The following RAB3GAP2 variants were observed in gnomAD, a reference collection of about 807,000 sequenced individuals.
RAB3GAP2 encodes rab3 GTPase-activating protein non-catalytic subunit.
Under a neutral mutation model 185.3 loss-of-function variants are expected in RAB3GAP2, and 87 were observed. The ratio of observed to expected loss-of-function variants is 0.47; its 90% CI spans 0.39 to 0.56. The LOEUF is 0.56. Ranked by LOEUF, RAB3GAP2 falls within the 20% of genes least tolerant of loss-of-function variation. RAB3GAP2 has a pLI of 0.00. For missense variants in RAB3GAP2, 1,492 were observed against 1,638.2 expected, an observed-to-expected ratio of 0.91 and a Z score of 1.54; for synonymous variants, 554 against 576.1, an observed-to-expected ratio of 0.96 and a Z score of 0.55.
At chr1:220,236,179 TTTTA>T (rs1329301447) in intron 1 of RAB3GAP2, among the ~76,000 whole-genome samples, 1 of 151,862 alleles carries the variant, frequency 6.6e-6, no homozygotes, top group Non-Finnish European at 1.5e-5. Context: ...TATTTTTATT[TTTTA>T]TTTATTTATT....
At chr1:220,218,806 T>C (rs1659248084) in intron 2 of RAB3GAP2, among the ~76,000 whole-genome samples, 1 of 151,488 alleles carries the variant, frequency 6.6e-6, no homozygotes, top group Admixed American at 6.6e-5. Context: ...TAATACAAGC[T>C]CCACAAGCTC....
chr1:220,151,686 G>A lies in RAB3GAP2; in HGVS notation c.3946C>T (p.Leu1316Phe). ...CCTTCTTTTGTCTGGGTGTGGAGAA[G>A]CGCATGAGCCAGCCTTTGCCCCGTG... ...VLTGQRLAHA[L>F]LHTQTKEGME... Residue 1316 changes from leucine (L) to phenylalanine (F), a missense_variant, in exon 34 of 35, where the codon CTT (leucine) becomes TTT (phenylalanine). Around this residue, in one of 5 missense-constraint regions of RAB3GAP2, gnomAD observed 387 missense variants for 455.3 expected, o/e 0.85. Coordinates refer to ENST00000358951, the MANE Select transcript of RAB3GAP2 (RefSeq NM_012414.4). The A allele has an allele frequency of 6.2e-7, 1 of 1,611,206 alleles. No homozygotes were observed. The highest frequency in any genetic ancestry group is 8.5e-7 in the Non-Finnish European group (1 of 1,177,322).
intron 1 of RAB3GAP2, among the ~76,000 whole-genome samples, chr1:220,244,112 G>T (rs1659753857): frequency 6.6e-6 from 1 of 152,168 alleles, no homozygotes; most frequent in Admixed American, 6.5e-5. Flanking sequence ...AAAAGAGGAA[G>T]TAAAAGTGTT....
rs999596297 is a variant in RAB3GAP2 at position 220,171,874 on chromosome 1, C to A, written c.2577+15G>T. ...TGGATGTGTACAGATCAAAGCCATACCTTTACCCACTTACTTTTTTCTCTG... is the reference window on the plus strand; with the variant it reads ...TGGATGTGTACAGATCAAAGCCATAACTTTACCCACTTACTTTTTTCTCTG... On this transcript the variant is annotated intron_variant, in intron 23 of 34. Transcript: ENST00000358951. The A allele has an allele frequency of 1.9e-6, 3 of 1,613,958 alleles. No homozygotes were observed. The highest frequency in any genetic ancestry group is 2.5e-6 in the Non-Finnish European group (3 of 1,180,012).
intron 1 of RAB3GAP2, chr1:220,253,877 A>G (rs569644446): frequency 6.2e-7 from 1 of 1,613,502 alleles, no homozygotes; most frequent in Admixed American, 1.7e-5. Flanking sequence ...GGTCTGCAAC[A>G]GAAAAATGTT....
chr1:220,164,006 T>G (rs1399874916), intron 27 of RAB3GAP2, among the ~76,000 whole-genome samples: 1 of 152,080 alleles, frequency 6.6e-6, no homozygotes, highest in Admixed American at 6.5e-5. Context: ...AGCTTAGTGC[T>G]GATATCCTCA....
intron 33 of RAB3GAP2, 86 bp downstream of exon 33, chr1:220,153,099 G>T: frequency 1.0e-6 from 1 of 994,134 alleles, no homozygotes. Flanking sequence ...AGAGCAAAAG[G>T]CTTCATTGGA....
At chr1:220,184,788 G>A (rs911645178) in intron 18 of RAB3GAP2, among the ~76,000 whole-genome samples, 1 of 151,996 alleles carries the variant, frequency 6.6e-6, no homozygotes, top group Admixed American at 6.6e-5. Flanking sequence ...GCCTTGAGGG[G>A]TGGGAGGGCT....
intron 2 of RAB3GAP2, among the ~76,000 whole-genome samples, chr1:220,223,338 C>T (rs1410576753): frequency 6.6e-6 from 1 of 151,958 alleles, no homozygotes; most frequent in Non-Finnish European, 1.5e-5. Flanking sequence ...AGAAATAACT[C>T]TCACTCAATA....
intron 9 of RAB3GAP2, among the ~76,000 whole-genome samples, chr1:220,196,892 A>C (rs981304980): frequency 6.6e-6 from 1 of 152,156 alleles, no homozygotes; most frequent in African/African-American, 2.4e-5. Flanking sequence ...TCTATAGAAT[A>C]TCATAAAAAC....
At chr1:220,239,367 A>C (rs1238213969) in intron 1 of RAB3GAP2, among the ~76,000 whole-genome samples, 2 of 152,108 alleles carry the variant, frequency 1.3e-5, no homozygotes, top group Non-Finnish European at 2.9e-5. Context: ...AGTAGCTGGG[A>C]CTACAGGCAT....
rs142837923 is a variant in RAB3GAP2, at chr1:220,186,470, G to A, written c.1780-729C>T. 2.0e-4 allele frequency among the ~76,000 whole-genome samples: 31 copies of A among 152,294 alleles called. No individual in the cohort carries two copies. In the East Asian group the frequency reaches 6.0e-3, roughly 29 times the overall value. On this transcript the variant is annotated intron_variant, in intron 17 of 34. Coordinates refer to ENST00000358951, the MANE Select transcript of RAB3GAP2 (RefSeq NM_012414.4). ...TTTGTGGAGGAGAAATGGGCTTAGA[G>A]GGTGGCTCAAGATGTTGGTCAGGCC...
intron 1 of RAB3GAP2, chr1:220,254,487 T>C (rs4011902): frequency 1.4e-5 from 22 of 1,613,450 alleles, no homozygotes; most frequent in Non-Finnish European, 1.6e-5. Flanking sequence ...CAACTTTGTT[T>C]AGTGCCAGCG....
chr1:220,219,755 T>C (rs1227649914), intron 2 of RAB3GAP2: 1 of 152,178 alleles, frequency 6.6e-6, no homozygotes, highest in Non-Finnish European at 1.5e-5. Flanking sequence ...ATAGTGGAGA[T>C]TAGGAAATGC....
At chr1:220,234,904 T>C (rs1659564166) in intron 1 of RAB3GAP2, among the ~76,000 whole-genome samples, 1 of 152,228 alleles carries the variant, frequency 6.6e-6, no homozygotes, top group African/African-American at 2.4e-5. Context: ...TATTAAACAT[T>C]TCTGTATGCC....
chr1:220,172,181 A>T, intron 22 of RAB3GAP2, 132 bp from the exon 23 acceptor site: 2 of 845,966 alleles, frequency 2.4e-6, no homozygotes, highest in Admixed American at 4.3e-5. Context: ...ATGAAGTGGA[A>T]GTCTAACAAT....
intron 13 of RAB3GAP2, among the ~76,000 whole-genome samples, chr1:220,192,516 TA>T (rs1658642749): frequency 6.6e-6 from 1 of 152,352 alleles, no homozygotes; most frequent in Admixed American, 6.5e-5. Flanking sequence ...AGTTAAAAGA[TA>T]TTTTCAAGTC....
At chr1:220,206,530 T>C (rs1047015258) in intron 7 of RAB3GAP2, among the ~76,000 whole-genome samples, 4 of 152,208 alleles carry the variant, frequency 2.6e-5, no homozygotes, top group African/African-American at 4.8e-5. Flanking sequence ...CGATTTTACT[T>C]AACCAGTTCA....
At chr1:220,163,772 T>C (rs1243579382) in intron 27 of RAB3GAP2, among the ~76,000 whole-genome samples, 1 of 144,548 alleles carries the variant, frequency 6.9e-6, no homozygotes, top group Non-Finnish European at 1.5e-5. Flanking sequence ...TATATATATA[T>C]AGGATGAAGG....
Sources: gnomAD v4.1 joint callset for allele counts (sites outside exome capture counted in the v4.1 genomes callset) on GRCh38, gnomAD v4.1.1 for gene constraint, gnomAD v4.1.1 regional missense constraint, MANE v1.5 for transcripts, NCBI Gene and HGNC (gene_info 2026-07-23, HGNC 2026-07-21) for gene names.